CLSTN2: variants seen among roughly 807,000 people sequenced by gnomAD.
The protein encoded by CLSTN2 is calsyntenin 2.
In CLSTN2, 48 loss-of-function variants were observed where a neutral mutation model predicts 101.2. The observed-to-expected ratio is 0.47, with a 90% CI of 0.38 to 0.60. The LOEUF is 0.60. Ranked by LOEUF, CLSTN2 falls within the 20% of genes least tolerant of loss-of-function variation. The pLI is 0.00. For synonymous variants in CLSTN2, 481 were observed against 463.6 expected, an observed-to-expected ratio of 1.04 and a Z score of -0.48; for missense variants, 1,160 against 1,238.2, an observed-to-expected ratio of 0.94 and a Z score of 0.95.
At chr3:139,959,920 C>T (rs949112387) in intron 1 of CLSTN2, among the ~76,000 whole-genome samples, 1 of 152,122 alleles carries the variant, frequency 6.6e-6, no homozygotes, top group Admixed American at 6.6e-5. Flanking sequence ...TCTCCTCTCC[C>T]ACCCCCTACC....
chr3:140,398,643 G>A (rs1029661461), intron 2 of CLSTN2, among the ~76,000 whole-genome samples: 1 of 152,192 alleles, frequency 6.6e-6, no homozygotes, highest in African/African-American at 2.4e-5. Context: ...AAAGGGTGCT[G>A]ACCGTAGATG....
chr3:140,023,265 G>T (rs1377719009), intron 1 of CLSTN2, among the ~76,000 whole-genome samples: 1 of 152,164 alleles, frequency 6.6e-6, no homozygotes, highest in Non-Finnish European at 1.5e-5. Context: ...CCTGCCCTGT[G>T]TCATTGGAGG....
At chr3:140,311,284 A>G (rs1419184386) in intron 2 of CLSTN2, among the ~76,000 whole-genome samples, 3 of 89,364 alleles carry the variant, frequency 3.4e-5, no homozygotes, top group Admixed American at 2.5e-4. Flanking sequence ...AAGGTTTATT[A>G]TCCTTTTTTT....
At chr3:140,124,834 A>T (rs1289691025) in intron 1 of CLSTN2, among the ~76,000 whole-genome samples, 1 of 152,216 alleles carries the variant, frequency 6.6e-6, no homozygotes, top group Non-Finnish European at 1.5e-5. Context: ...GGATGAGAAC[A>T]TGCAGGAAGT....
chr3:140,218,847 G>A (rs2107851386), intron 2 of CLSTN2, among the ~76,000 whole-genome samples: 1 of 152,282 alleles, frequency 6.6e-6, no homozygotes, highest in South Asian at 2.1e-4. Flanking sequence ...CCCCCAGGGG[G>A]ACAAGAATAT....
At chr3:140,402,638 G>A (rs1229857960) in intron 2 of CLSTN2, among the ~76,000 whole-genome samples, 1 of 152,202 alleles carries the variant, frequency 6.6e-6, no homozygotes, top group East Asian at 1.9e-4. Context: ...CCCATTAAAT[G>A]ATGCACCGTA....
At chr3:140,451,466 T>TCTCC (rs1293746121) in intron 6 of CLSTN2, among the ~76,000 whole-genome samples, 2 of 152,072 alleles carry the variant, frequency 1.3e-5, no homozygotes, top group Non-Finnish European at 2.9e-5. Flanking sequence ...CCTGTGTTTC[T>TCTCC]CTCCATGGCA....
chr3:140,186,043 C>A (rs1402696926), intron 2 of CLSTN2, among the ~76,000 whole-genome samples: 1 of 152,014 alleles, frequency 6.6e-6, no homozygotes, highest in Non-Finnish European at 1.5e-5. Flanking sequence ...GTTAAGGGGA[C>A]GTGGGGCATC....
At chr3:139,943,962 C>A (rs981637933) in intron 1 of CLSTN2, among the ~76,000 whole-genome samples, 1 of 152,188 alleles carries the variant, frequency 6.6e-6, no homozygotes, top group Non-Finnish European at 1.5e-5. Context: ...CAAAATAGAT[C>A]CCAAACTCTC....
At chr3:140,415,776 C>T (rs189995329) in intron 4 of CLSTN2, among the ~76,000 whole-genome samples, 19 of 152,224 alleles carry the variant, frequency 1.2e-4, no homozygotes, top group African/African-American at 3.9e-4. Flanking sequence ...ACAGCTATTA[C>T]GGAAAACATC....
At chr3:139,993,874 C>A (rs935157718) in intron 1 of CLSTN2, among the ~76,000 whole-genome samples, 6 of 115,274 alleles carry the variant, frequency 5.2e-5, no homozygotes, top group African/African-American at 1.8e-4. Context: ...GAATCACAAA[C>A]GGCAGGAAAC....
chr3:140,401,693 T>C (rs2107977191), intron 2 of CLSTN2, among the ~76,000 whole-genome samples: 1 of 152,358 alleles, frequency 6.6e-6, no homozygotes, highest in East Asian at 1.9e-4. Flanking sequence ...GGTTGGGCAC[T>C]CCAGAGAATG....
chr3:140,244,671 A>G (rs2086499698), intron 2 of CLSTN2, among the ~76,000 whole-genome samples: 2 of 152,166 alleles, frequency 1.3e-5, no homozygotes. Context: ...CTCCAAGACC[A>G]AGGCCTCACT....
intron 2 of CLSTN2, among the ~76,000 whole-genome samples, chr3:140,252,778 A>T (rs1172973942): frequency 2.0e-5 from 3 of 152,242 alleles, no homozygotes; most frequent in Non-Finnish European, 1.5e-5. Flanking sequence ...CGCATGATGC[A>T]TCTTACTGAG....
intron 7 of CLSTN2, among the ~76,000 whole-genome samples, chr3:140,465,327 T>C (rs1933664834): frequency 6.6e-6 from 1 of 152,192 alleles, no homozygotes; most frequent in Admixed American, 6.5e-5. Flanking sequence ...AGTGGTATAA[T>C]AAAACTTCCA....
chr3:140,150,858 G>A (rs1329518584), intron 1 of CLSTN2, among the ~76,000 whole-genome samples: 1 of 152,080 alleles, frequency 6.6e-6, no homozygotes, highest in Non-Finnish European at 1.5e-5. Flanking sequence ...ATAACATGGT[G>A]CAATTCCCAG....
rs190686285 is a variant in CLSTN2, at chr3:140,541,297, T to C, written c.1508-5218T>C. On this transcript the variant is annotated intron_variant, in intron 9 of 16. Coordinates refer to ENST00000458420, the MANE Select transcript of CLSTN2 (RefSeq NM_022131.3). ...GCAGATAAGAATCTCAATACACAAA[T>C]TTAAAAATTGTCTTTCTCACATCCA... 1.5e-3 allele frequency among the ~76,000 whole-genome samples: 230 copies of C among 152,346 alleles called. 2 individuals are homozygous for C. The highest frequency in any genetic ancestry group is 5.2e-3 in the African/African-American group (216 of 41,578).
chr3:140,138,630 C>T (rs191985742), intron 1 of CLSTN2, among the ~76,000 whole-genome samples: 11 of 152,266 alleles, frequency 7.2e-5, no homozygotes, highest in African/African-American at 1.2e-4. Context: ...TTTGTGGCCC[C>T]GGAAAGCACA....
chr3:140,063,231 T>G (rs932194937), intron 1 of CLSTN2, among the ~76,000 whole-genome samples: 1 of 152,132 alleles, frequency 6.6e-6, no homozygotes, highest in African/African-American at 2.4e-5. Flanking sequence ...GCTATGAGAT[T>G]AGTGAGGATC....
Sources: allele counts gnomAD v4.1 joint callset (sites outside exome capture counted in the v4.1 genomes callset), GRCh38; gene constraint gnomAD v4.1.1; transcripts MANE v1.5; gene names NCBI Gene and HGNC (gene_info 2026-07-23, HGNC 2026-07-21).